The following RAB27B variants were observed in gnomAD, a reference collection of about 807,000 sequenced individuals.
The protein encoded by RAB27B is RAB27B, member RAS oncogene family.
In RAB27B, 15 loss-of-function variants were observed where a neutral mutation model predicts 24.6. The observed-to-expected ratio is 0.61, with a 90% CI of 0.41 to 0.94. The LOEUF (loss-of-function observed/expected upper bound fraction) is 0.94. RAB27B is among the 40% of genes least tolerant of loss of function. The pLI is 0.00. For synonymous variants in RAB27B, 105 were observed against 92.5 expected (o/e 1.14, Z -0.78); for missense variants, 261 against 266.8 (o/e 0.98, Z 0.15).
chr18:54,888,677 G>C (rs1913244636), intron 5 of RAB27B, among the ~76,000 whole-genome samples: 1 of 151,420 alleles, frequency 6.6e-6, no homozygotes, highest in Admixed American at 6.6e-5. Flanking sequence ...GGCAGAATCT[G>C]TCATTATTCT....
Position 54,879,439 on chromosome 18 carries a change from C to G in RAB27B, c.224C>G (p.Thr75Ser). The change falls in exon 3 of 6, where the codon ACT becomes AGT. Residue 75 changes from threonine (T) to serine (S), a missense_variant. Thr to Ser is a moderately conservative substitution (Grantham distance 58). Coordinates refer to ENST00000262094, the MANE Select transcript of RAB27B (RefSeq NM_004163.4). ...AAAGTGCATCTTCAGCTTTGGGACA[C>G]TGCGGGACAAGAGCGGTAATAGTAA... ...AFKVHLQLWD[T>S]AGQERFRSLT... 1 of 1,612,018 alleles carries G rather than the reference C, an allele frequency of 6.2e-7. No individual in the cohort carries two copies. The highest frequency in any genetic ancestry group is 8.5e-7 in the Non-Finnish European group (1 of 1,178,136).
At chr18:54,719,047 CAT>C (rs35992322) in intron 2 of RAB27B, among the ~76,000 whole-genome samples, 66,367 of 151,674 alleles carry the variant, frequency 0.44, 16,729 homozygotes, top group Middle Eastern at 0.57. Context: ...GTAAGATAAA[CAT>C]GTAAGATAAA....
intron 2 of RAB27B, among the ~76,000 whole-genome samples, chr18:54,815,496 C>T (rs949597787): frequency 7.2e-5 from 11 of 152,218 alleles, no homozygotes; most frequent in African/African-American, 2.6e-4. Context: ...GTCTCAAATC[C>T]CTCTGCCTCT....
chr18:54,805,550 T>A (rs1045327942), intron 2 of RAB27B, among the ~76,000 whole-genome samples: 1 of 152,196 alleles, frequency 6.6e-6, no homozygotes, highest in African/African-American at 2.4e-5. Context: ...AGAGAATTCA[T>A]GAGCAACTTT....
intron 1 of RAB27B, among the ~76,000 whole-genome samples, chr18:54,874,411 T>A (rs566076200): frequency 3.9e-5 from 6 of 152,312 alleles, no homozygotes; most frequent in Admixed American, 1.3e-4. Context: ...CACTTTTAAG[T>A]AATTCAGACC....
intron 2 of RAB27B, among the ~76,000 whole-genome samples, chr18:54,724,306 G>A (rs979822017): frequency 1.3e-5 from 2 of 151,626 alleles, no homozygotes; most frequent in Admixed American, 6.6e-5. Context: ...CTCAATGTGA[G>A]TGGACAATGC....
intron 2 of RAB27B, among the ~76,000 whole-genome samples, chr18:54,775,194 A>C (rs1414523975): frequency 6.6e-6 from 1 of 152,188 alleles, no homozygotes; most frequent in Non-Finnish European, 1.5e-5. Flanking sequence ...TGACCACAGC[A>C]TCAACATAAA....
chr18:54,785,436 GTTTTTTT>G (rs59750951), intron 2 of RAB27B, among the ~76,000 whole-genome samples: 1 of 101,704 alleles, frequency 9.8e-6, no homozygotes, highest in African/African-American at 3.9e-5. Flanking sequence ...CCTTCCTCAG[GTTTTTTT>G]TTTTTTTTTT....
chr18:54,774,486 A>G (rs1908654696), intron 2 of RAB27B, among the ~76,000 whole-genome samples: 1 of 152,244 alleles, frequency 6.6e-6, no homozygotes, highest in African/African-American at 2.4e-5. Flanking sequence ...AACACAGAGC[A>G]TTTGACAGGC....
At chr18:54,808,064 G>A (rs1412700240) in intron 2 of RAB27B, among the ~76,000 whole-genome samples, 1 of 152,144 alleles carries the variant, frequency 6.6e-6, no homozygotes, top group Admixed American at 6.5e-5. Flanking sequence ...ATAATAGAAG[G>A]AAGGTGTCCT....
chr18:54,744,850 G>T, intron 2 of RAB27B: 1 of 210,840 alleles, frequency 4.7e-6, no homozygotes, highest in South Asian at 9.1e-5. Flanking sequence ...CTTCCAAGTG[G>T]AACAGTACAT....
At chr18:54,720,787 G>T (rs1320767836) in intron 2 of RAB27B, among the ~76,000 whole-genome samples, 2 of 152,104 alleles carry the variant, frequency 1.3e-5, no homozygotes, top group East Asian at 1.9e-4. Context: ...AAATGTGGAA[G>T]AATAACAAAC....
chr18:54,748,655 A>C (rs1910332186), intron 2 of RAB27B, among the ~76,000 whole-genome samples: 1 of 152,216 alleles, frequency 6.6e-6, no homozygotes, highest in African/African-American at 2.4e-5. Flanking sequence ...AACTCAGGTG[A>C]TTCTGACACA....
At chr18:54,722,580 A>T (rs1909394766) in intron 2 of RAB27B, among the ~76,000 whole-genome samples, 1 of 152,128 alleles carries the variant, frequency 6.6e-6, no homozygotes, top group Non-Finnish European at 1.5e-5. Flanking sequence ...GCTCAAGTAG[A>T]AGAGGCAATT....
chr18:54,823,674 G>A (rs1162526208), upstream of RAB27B, among the ~76,000 whole-genome samples: 1 of 152,028 alleles, frequency 6.6e-6, no homozygotes, highest in Non-Finnish European at 1.5e-5. Context: ...ATAAATCATT[G>A]TGCAAACCTC....
chr18:54,823,711 A>G (rs1035767985), upstream of RAB27B, among the ~76,000 whole-genome samples: 1 of 152,206 alleles, frequency 6.6e-6, no homozygotes, highest in Non-Finnish European at 1.5e-5. Context: ...TCTGCATTTC[A>G]ATTCACTTTC....
At chr18:54,867,331 T>C (rs1912271344) in intron 1 of RAB27B, among the ~76,000 whole-genome samples, 1 of 152,142 alleles carries the variant, frequency 6.6e-6, no homozygotes, top group African/African-American at 2.4e-5. Flanking sequence ...GCTATTCCCA[T>C]TGCAGAGTGG....
At chr18:54,826,606 G>C (rs1253291802), upstream of RAB27B, among the ~76,000 whole-genome samples, 4 of 152,172 alleles carry the variant, frequency 2.6e-5, no homozygotes, top group African/African-American at 9.7e-5. Flanking sequence ...CACTTATCTA[G>C]GGAAAGGTGG....
chr18:54,820,107 C>T (rs1233998294), intron 2 of RAB27B, among the ~76,000 whole-genome samples: 4 of 152,010 alleles, frequency 2.6e-5, no homozygotes, highest in African/African-American at 4.8e-5. Flanking sequence ...TATAGCAGCA[C>T]GATTTATAAT....
Sources: gnomAD v4.1 joint callset for allele counts (sites outside exome capture counted in the v4.1 genomes callset) on GRCh38, gnomAD v4.1.1 for gene constraint, MANE v1.5 for transcripts, NCBI Gene and HGNC (gene_info 2026-07-23, HGNC 2026-07-21) for gene names.